KMT2E: variants seen among roughly 807,000 people sequenced by gnomAD.
KMT2E encodes histone reader KMT2E.
A neutral mutation model predicts 184.6 loss-of-function variants in KMT2E; 30 were observed. The observed-to-expected ratio is 0.16, with a 90% CI of 0.12 to 0.22. KMT2E has a LOEUF of 0.22. KMT2E is among the 10% of genes least tolerant of loss of function. KMT2E has a pLI of 1.00. For synonymous variants in KMT2E, 815 were observed against 776.5 expected (o/e 1.05, Z -0.82); for missense variants, 2,023 against 2,237.4 (o/e 0.90, Z 1.93).
Position 105,076,918 on chromosome 7 carries a change from G to C in KMT2E, c.769-45G>C, listed in dbSNP as rs756428745. On this transcript the variant is annotated intron_variant, in intron 9 of 26. Transcript: ENST00000311117. ...TGTGTGTGTGTGTGTGTGTGTGTGT[G>C]TAAGTCCGTAAGTCCAGATACTAAA... 7.5e-5 allele frequency: 67 copies of C among 896,052 alleles called. No individual in the cohort carries two copies. In the African/African-American group the frequency reaches 1.2e-3, roughly 15 times the overall value. The allele number at this position is 896,052 out of a possible 1,614,324, so 55.5% of individuals were successfully genotyped here.
intron 8 of KMT2E, 93 bp from the exon 9 acceptor site, chr7:105,075,950 T>A: frequency 1.0e-6 from 1 of 969,544 alleles, no homozygotes. Flanking sequence ...GTTATGACAC[T>A]TCAGTTAAAA....
chr7:105,104,726 T>C (rs1798817707), intron 17 of KMT2E: 1 of 152,106 alleles, frequency 6.6e-6, no homozygotes, highest in African/African-American at 2.4e-5. Flanking sequence ...CTCCAGGAGA[T>C]TCTGATGGGC....
chr7:105,026,951 T>C (rs1194961059), intron 1 of KMT2E, among the ~76,000 whole-genome samples: 1 of 152,142 alleles, frequency 6.6e-6, no homozygotes, highest in Non-Finnish European at 1.5e-5. Context: ...TCTAGTTCAA[T>C]CCCCAGCTAC....
At chr7:105,058,088 T>C (rs964920544) in intron 3 of KMT2E, among the ~76,000 whole-genome samples, 3 of 152,232 alleles carry the variant, frequency 2.0e-5, no homozygotes, top group African/African-American at 7.2e-5. Context: ...ATTCAGCCTA[T>C]AGAAGTTTTA....
intron 3 of KMT2E, among the ~76,000 whole-genome samples, chr7:105,059,041 A>G (rs1167181127): frequency 6.6e-6 from 1 of 152,218 alleles, no homozygotes. Context: ...TCATTTTTCT[A>G]TAGAATGAAC....
At chr7:105,095,028 A>G (rs1798347993) in intron 15 of KMT2E, among the ~76,000 whole-genome samples, 1 of 152,340 alleles carries the variant, frequency 6.6e-6, no homozygotes, top group Non-Finnish European at 1.5e-5. Flanking sequence ...AATTTCATAT[A>G]CCACTGATTA....
At chr7:105,067,705 T>A (rs1208676919) in intron 6 of KMT2E, among the ~76,000 whole-genome samples, 1 of 152,232 alleles carries the variant, frequency 6.6e-6, no homozygotes, top group Non-Finnish European at 1.5e-5. Context: ...GCAAGGTGGC[T>A]CAGGCCTGTA....
intron 4 of KMT2E, among the ~76,000 whole-genome samples, 181 bp downstream of exon 4, chr7:105,062,459 G>C (rs2129567154): frequency 6.6e-6 from 1 of 152,110 alleles, no homozygotes; most frequent in African/African-American, 2.4e-5. Flanking sequence ...AAAGTGAACT[G>C]TTTCTCTTAT....
chr7:105,112,350 A>G lies in KMT2E; in HGVS notation c.4594A>G (p.Ser1532Gly). 1.2e-6 allele frequency: 2 copies of G among 1,613,352 alleles called. No homozygotes were observed. The highest frequency in any genetic ancestry group is 1.7e-6 in the Non-Finnish European group (2 of 1,180,020). ...TPSGQSSATY[S>G]QFNQQSLNST... is the part of the protein sequence containing the mutation. ...CTCAGGACAATCTTCAGCAACATAC[A>G]GTCAGTTTAACCAACAAAGTCTGAA... Residue 1532 changes from serine to glycine, a missense_variant, in exon 27 of 27, where the codon AGT (serine) becomes GGT (glycine). By Grantham distance (56) the Ser-to-Gly change is moderately conservative. Around this residue, in one of 8 missense-constraint regions of KMT2E, gnomAD observed 1,108 missense variants for 1,050.9 expected, o/e 1.05. Transcript: ENST00000311117.
rs1019044782 is a variant in KMT2E at position 105,023,517 on chromosome 7, C to T, written c.-189+8982C>T. Among the ~76,000 whole-genome samples, 4 of 151,034 alleles carry T rather than the reference C, an allele frequency of 2.6e-5. No homozygotes were observed. In the East Asian group the frequency reaches 7.9e-4, roughly 30 times the overall value. ...TGGAGTGCAGTGGTGTGATCTCCAC[C>T]CACTGCAAGCTCCGCCTTCCGGGTT... On this transcript the variant is annotated intron_variant, in intron 1 of 26. Transcript: ENST00000311117.
chr7:105,023,062 C>T (rs1483465740), intron 1 of KMT2E, among the ~76,000 whole-genome samples: 1 of 152,168 alleles, frequency 6.6e-6, no homozygotes. Context: ...AAAAGATGTG[C>T]TTCTAGTTCC....
In KMT2E at chr7:105,114,789, T is replaced by G. The variant is rs1196502658; in HGVS notation, c.*1456T>G. On this transcript the variant is annotated 3_prime_UTR_variant, in exon 27 of 27. Coordinates refer to ENST00000311117, the MANE Select transcript of KMT2E (RefSeq NM_182931.3). ...TTATTTCCTTTTGAAAATTAGCTAA[T>G]GATGGTACATTAACGCAGCTCACTT... is the stretch of plus-strand genomic sequence containing the variant. Among the ~76,000 whole-genome samples, 1 of 152,164 alleles carries G rather than the reference T, an allele frequency of 6.6e-6. No homozygotes were observed. Among genetic ancestry groups the G allele is most frequent in the Non-Finnish European group, 1.5e-5 (1 of 68,022 alleles).
At chr7:105,057,474 CACTCT>C (rs1161077514) in intron 3 of KMT2E, among the ~76,000 whole-genome samples, 1 of 152,020 alleles carries the variant, frequency 6.6e-6, no homozygotes. Flanking sequence ...TACAGAGTCT[CACTCT>C]GTCAACCCAG....
chr7:105,084,912 T>C (rs1797900254), intron 13 of KMT2E, among the ~76,000 whole-genome samples: 1 of 152,202 alleles, frequency 6.6e-6, no homozygotes, highest in Non-Finnish European at 1.5e-5. Context: ...AATGGCACCA[T>C]GTAAGGTCTG....
chr7:105,029,121 A>G (rs1013534346), intron 1 of KMT2E, among the ~76,000 whole-genome samples: 6 of 151,938 alleles, frequency 3.9e-5, no homozygotes, highest in African/African-American at 1.2e-4. Context: ...AAAATTAGCC[A>G]GTTGTGGTGG....
Position 105,091,213 on chromosome 7 carries a change from C to T in KMT2E, c.1624-3C>T. The T allele has an allele frequency of 7.1e-7, 1 of 1,411,376 alleles. No individual in the cohort carries two copies. Among genetic ancestry groups the T allele is most frequent in the Non-Finnish European group, 1.0e-6 (1 of 1,002,152 alleles). 87.4% of individuals were successfully genotyped at this position (1,411,376 alleles called of 1,614,324 possible). A position where few individuals can be genotyped will look rare whatever the true frequency, so the allele number is the denominator to read the frequency against. On this transcript the variant is annotated splice_region_variant and splice_polypyrimidine_tract_variant and intron_variant, in intron 14 of 26. Coordinates refer to ENST00000311117, the MANE Select transcript of KMT2E (RefSeq NM_182931.3). ...GTATAAAGAAGTCATTTCCATTTTTCAGGAACCAGATTTTATTGATGATAT... is the reference window on the plus strand; with the variant it reads ...GTATAAAGAAGTCATTTCCATTTTTTAGGAACCAGATTTTATTGATGATAT...
At chr7:105,041,801 T>C (rs4730067) in intron 3 of KMT2E, among the ~76,000 whole-genome samples, 42,138 of 152,108 alleles carry the variant, frequency 0.28, 8,650 homozygotes, top group East Asian at 0.64. Context: ...TCTTTTTTCA[T>C]CCAGTGCTTA....
chr7:105,038,823 A>AG (rs1308782840), intron 2 of KMT2E, among the ~76,000 whole-genome samples: 1 of 152,030 alleles, frequency 6.6e-6, no homozygotes, highest in Non-Finnish European at 1.5e-5. Context: ...TCTCATTATA[A>AG]GATTTTTTAT....
chr7:105,050,266 C>T (rs1039911950), intron 3 of KMT2E, among the ~76,000 whole-genome samples: 5 of 152,088 alleles, frequency 3.3e-5, no homozygotes, highest in African/African-American at 9.7e-5. Context: ...AAATAATCAT[C>T]CCTTCTCTTT....
Sources: allele counts gnomAD v4.1 joint callset (sites outside exome capture counted in the v4.1 genomes callset), GRCh38; gene constraint gnomAD v4.1.1; regional missense constraint gnomAD v4.1.1; transcripts MANE v1.5; gene names NCBI Gene and HGNC (gene_info 2026-07-23, HGNC 2026-07-21).